TFB1M: variants seen among roughly 807,000 people sequenced by gnomAD.
TFB1M encodes the protein transcription factor B1, mitochondrial, also known as dimethyladenosine transferase 1, mitochondrial.
Under a neutral mutation model 31.1 loss-of-function variants are expected in TFB1M, and 27 were observed. That is an observed-to-expected ratio of 0.87 (90% CI 0.64 to 1.20). The LOEUF is 1.20. Among genes scored for constraint, TFB1M ranks in the 50% most tolerant of loss-of-function variants. The pLI is 0.00. For missense variants in TFB1M, 394 were observed against 418.7 expected (o/e 0.94, Z 0.51); for synonymous variants, 166 against 151.8 (o/e 1.09, Z -0.69).
At chr6:155,300,246 C>G (rs1342159949) in intron 2 of TFB1M, among the ~76,000 whole-genome samples, 1 of 152,176 alleles carries the variant, frequency 6.6e-6, no homozygotes, top group Non-Finnish European at 1.5e-5. Flanking sequence ...GCTAAACATA[C>G]TTTTAAGTCT....
the TFB1M span, among the ~76,000 whole-genome samples, chr6:155,234,731 C>T: frequency 5.3e-5 from 8 of 152,140 alleles, no homozygotes; most frequent in Admixed American, 5.2e-4. Context: ...AGCAGCATTC[C>T]TGGGGTGGGG....
Position 155,296,937 on chromosome 6 carries a change from A to C in TFB1M, c.546+16T>G. On this transcript the variant is annotated intron_variant, in intron 4 of 6. Transcript: ENST00000367166. ...TTGAACATGTGATAAAATAGTCACAAAATGTTAAAACTTACCTCTGCCACT... is the reference window on the plus strand; with the variant it reads ...TTGAACATGTGATAAAATAGTCACACAATGTTAAAACTTACCTCTGCCACT... 1 of 1,612,324 alleles carries C rather than the reference A, an allele frequency of 6.2e-7. No individual in the cohort carries two copies. The highest frequency in any genetic ancestry group is 8.5e-7 in the Non-Finnish European group (1 of 1,178,632).
At chr6:155,294,140 TTGGGACCCATA>T (rs562733806) in intron 4 of TFB1M, among the ~76,000 whole-genome samples, 107 of 152,316 alleles carry the variant, frequency 7.0e-4, no homozygotes, top group African/African-American at 2.5e-3. Context: ...GCTAGGTTAG[TTGGGACCCATA>T]TGTTAAAAAT....
the TFB1M span, among the ~76,000 whole-genome samples, chr6:155,231,530 G>T: frequency 2.0e-4 from 31 of 152,318 alleles, no homozygotes; most frequent in East Asian, 5.6e-3. Context: ...CCCTGCCAAG[G>T]GGCTGACGTG....
At chr6:155,312,264 A>G (rs1222789207) in intron 1 of TFB1M, among the ~76,000 whole-genome samples, 1 of 152,216 alleles carries the variant, frequency 6.6e-6, no homozygotes, top group Non-Finnish European at 1.5e-5. Flanking sequence ...CCATCCAAAA[A>G]TGGTTTAGTC....
At chr6:155,272,439 G>C (rs947895274) in intron 5 of TFB1M, among the ~76,000 whole-genome samples, 23 of 151,970 alleles carry the variant, frequency 1.5e-4, no homozygotes, top group Non-Finnish European at 8.8e-5. Flanking sequence ...GGGACCATGA[G>C]AGAGTTTTCA....
chr6:155,276,145 G>A (rs1177985615), intron 5 of TFB1M: 3 of 1,614,054 alleles, frequency 1.9e-6, no homozygotes, highest in Non-Finnish European at 1.7e-6. Context: ...ACACAAAGGA[G>A]ATCATAGCAA....
At chr6:155,264,415 C>T (rs1464676996) in intron 5 of TFB1M, 1 of 152,166 alleles carries the variant, frequency 6.6e-6, no homozygotes, top group Non-Finnish European at 1.5e-5. Context: ...TTGGTTCACT[C>T]TACCTGTGAT....
At chr6:155,299,993 T>A (rs1288515178) in intron 2 of TFB1M, among the ~76,000 whole-genome samples, 2 of 152,202 alleles carry the variant, frequency 1.3e-5, no homozygotes, top group African/African-American at 2.4e-5. Context: ...ATAGCCCCTG[T>A]AGCTACAGCA....
intron 5 of TFB1M, chr6:155,276,216 T>C (rs148057067): frequency 5.0e-6 from 8 of 1,614,062 alleles, no homozygotes; most frequent in Non-Finnish European, 6.8e-6. Context: ...GCTATCTATA[T>C]CGGATTCATT....
At chr6:155,285,003 T>C (rs574701132) in intron 5 of TFB1M, among the ~76,000 whole-genome samples, 155 bp downstream of exon 5, 1 of 152,334 alleles carries the variant, frequency 6.6e-6, no homozygotes, top group East Asian at 1.9e-4. Flanking sequence ...TAGCTATTCA[T>C]ATTACGATTT....
intron 5 of TFB1M, among the ~76,000 whole-genome samples, chr6:155,282,271 A>C (rs1341164883): frequency 6.6e-6 from 1 of 152,216 alleles, no homozygotes; most frequent in Non-Finnish European, 1.5e-5. Context: ...GAGCTTAATA[A>C]GAGTAAAGTT....
At chr6:155,266,755 G>C (rs530920265) in intron 5 of TFB1M, among the ~76,000 whole-genome samples, 169 of 150,150 alleles carry the variant, frequency 1.1e-3, no homozygotes, top group African/African-American at 4.0e-3. Context: ...GCTGAGGCAG[G>C]AGAATGGCGT....
intron 2 of TFB1M, among the ~76,000 whole-genome samples, chr6:155,310,594 C>G (rs889865086): frequency 1.3e-5 from 2 of 152,162 alleles, no homozygotes; most frequent in Non-Finnish European, 2.9e-5. Context: ...ACTCTCATTT[C>G]TTATACAATA....
chr6:155,250,102 G>T, the TFB1M span: 1 of 626,688 alleles, frequency 1.6e-6, no homozygotes, highest in Non-Finnish European at 2.8e-6. Context: ...ATAACAATGT[G>T]TCTAATGAAC....
chr6:155,240,060 T>C, the TFB1M span, among the ~76,000 whole-genome samples: 14 of 152,228 alleles, frequency 9.2e-5, no homozygotes, highest in South Asian at 2.9e-3. Context: ...CTGTAATTGC[T>C]CTTGGGCTGT....
intron 5 of TFB1M, among the ~76,000 whole-genome samples, chr6:155,281,618 A>C (rs1002495762): frequency 3.3e-5 from 5 of 149,956 alleles, no homozygotes. Flanking sequence ...GCTACTCGGA[A>C]GGCTGAGGCA....
intron 2 of TFB1M, among the ~76,000 whole-genome samples, chr6:155,304,196 C>A (rs964777488): frequency 6.6e-6 from 1 of 152,062 alleles, no homozygotes; most frequent in African/African-American, 2.4e-5. Context: ...GCAGGAGAAT[C>A]GCTTGAGCCT....
chr6:155,292,024 T>A (rs1776948461), intron 4 of TFB1M, among the ~76,000 whole-genome samples: 1 of 152,178 alleles, frequency 6.6e-6, no homozygotes, highest in Non-Finnish European at 1.5e-5. Context: ...AGAGTTTGCA[T>A]AAACAGGACA....
Sources: allele counts gnomAD v4.1 joint callset (sites outside exome capture counted in the v4.1 genomes callset), GRCh38; gene constraint gnomAD v4.1.1; transcripts MANE v1.5; gene names NCBI Gene and HGNC (gene_info 2026-07-23, HGNC 2026-07-21).